ZNF2: variants seen among roughly 807,000 people sequenced by gnomAD.
ZNF2 encodes zinc finger protein 2.2.
A neutral mutation model predicts 21.9 loss-of-function variants in ZNF2; 12 were observed. The ratio of observed to expected loss-of-function variants is 0.55; its 90% confidence interval spans 0.35 to 0.89. The LOEUF (loss-of-function observed/expected upper bound fraction) is 0.89. ZNF2 is among the 40% of genes least tolerant of loss of function. The pLI, the probability that ZNF2 is intolerant of heterozygous loss-of-function variation, is 0.01. For synonymous variants in ZNF2, 186 were observed against 196.3 expected, an observed-to-expected ratio of 0.95 and a Z score of 0.44; for missense variants, 462 against 544.2, an observed-to-expected ratio of 0.85 and a Z score of 1.50.
chr2:95,176,002 A>G (rs1421590417), intron 1 of ZNF2, among the ~76,000 whole-genome samples, 186 bp from the exon 2 acceptor site: 2 of 152,174 alleles, frequency 1.3e-5, no homozygotes, highest in Non-Finnish European at 1.5e-5. Flanking sequence ...TCGCAGTTCC[A>G]TGGTTGTTGG....
chr2:95,177,778 T>C (rs556823969), intron 3 of ZNF2, among the ~76,000 whole-genome samples, 169 bp downstream of exon 3: 1 of 152,264 alleles, frequency 6.6e-6, no homozygotes, highest in South Asian at 2.1e-4. Flanking sequence ...GGCTCAATAC[T>C]GAACCCCAGC....
chr2:95,178,935 G>GA (rs981665832), intron 3 of ZNF2, among the ~76,000 whole-genome samples: 5 of 149,338 alleles, frequency 3.3e-5, no homozygotes, highest in African/African-American at 9.8e-5. Flanking sequence ...TTTATTGTGT[G>GA]AAAAAAAATC....
At position 95,184,145 on chromosome 2, in the gene ZNF2, C is replaced by G. The variant is rs1376428451; in HGVS notation, c.*2039C>G. Reference sequence around the variant, plus strand: ...TACCAAACAGACCCTCCCCAACCTACTAACGACCCTATTACTCTGTTCACC... The same window carrying G: ...TACCAAACAGACCCTCCCCAACCTAGTAACGACCCTATTACTCTGTTCACC... On this transcript the variant is annotated 3_prime_UTR_variant, in exon 5 of 5. Coordinates refer to ENST00000614034, the MANE Select transcript of ZNF2 (RefSeq NM_021088.4). The G allele has an allele frequency of 6.6e-6, 1 of 152,192 alleles. No homozygotes were observed. Among genetic ancestry groups the G allele is most frequent in the Non-Finnish European group, 1.5e-5 (1 of 68,042 alleles). The allele number at this position is 152,192 out of a possible 1,614,324, so 9.4% of individuals were successfully genotyped here. A position where few individuals can be genotyped will look rare whatever the true frequency, so the allele number is the denominator to read the frequency against.
intron 1 of ZNF2, among the ~76,000 whole-genome samples, chr2:95,170,645 G>C (rs1465450732): frequency 3.9e-5 from 6 of 152,206 alleles, no homozygotes; most frequent in Admixed American, 3.9e-4. Context: ...TATTGATCTG[G>C]TCTTTTGACA....
rs1328335028 is a variant in ZNF2, at chr2:95,177,558, G to A, written c.109G>A (p.Asp37Asn). Residue 37 changes from aspartate to asparagine, a missense_variant, in exon 3 of 5, where the codon GAC becomes AAC. Coordinates refer to ENST00000614034, the MANE Select transcript of ZNF2 (RefSeq NM_021088.4). ...GAGTCGTCTGGTCCCCATACAGAGG[G>A]ACCTCTACAAGGAGGTGATGCTGGA... is the stretch of plus-strand genomic sequence containing the variant. ...EWSRLVPIQR[D>N]LYKEVMLENY... is the part of the protein sequence containing the mutation. 2.1e-5 allele frequency: 34 copies of A among 1,614,000 alleles called. No individual in the cohort carries two copies. The highest frequency in any genetic ancestry group is 2.8e-5 in the Non-Finnish European group (33 of 1,180,020).
chr2:95,178,930 T>G (rs1438739636), intron 3 of ZNF2, among the ~76,000 whole-genome samples: 2 of 151,894 alleles, frequency 1.3e-5, no homozygotes, highest in Admixed American at 6.6e-5. Context: ...TTAAATTTAT[T>G]GTGTGAAAAA....
rs114731551 is a variant in ZNF2, at chr2:95,176,667, C to T, written c.33+408C>T. Among the ~76,000 whole-genome samples the T allele has an allele frequency of 2.6e-3, 393 of 152,262 alleles. 1 individual carries two copies. Among genetic ancestry groups the T allele is most frequent in the African/African-American group, 9.2e-3 (382 of 41,548 alleles). ...GCGTGTGATACACACTGTAGAGCAC[C>T]TCTGTGGGGTGCTAAGAGCCCTGAA... is the stretch of plus-strand genomic sequence containing the variant. On this transcript the variant is annotated intron_variant, in intron 2 of 4. Coordinates refer to ENST00000614034, the MANE Select transcript of ZNF2 (RefSeq NM_021088.4).
intron 1 of ZNF2, among the ~76,000 whole-genome samples, chr2:95,173,550 T>G (rs973554227): frequency 6.6e-6 from 1 of 152,234 alleles, no homozygotes; most frequent in Non-Finnish European, 1.5e-5. Flanking sequence ...TACCTCAGAT[T>G]CTTACAAAGC....
chr2:95,180,255 CAG>C lies in ZNF2; in HGVS notation c.262_263del (p.Ser88CysfsTer8), dbSNP rs781331174. Reference sequence around the variant, plus strand: ...CATGGGTCTGAGGAGAGAGAATGGCCAGAGAGTGTCTCTCTAGGTAACTGAGT... The same window carrying C: ...CATGGGTCTGAGGAGAGAGAATGGCCAGAGTGTCTCTCTAGGTAACTGAGT... On this transcript the variant is annotated frameshift_variant, in exon 4 of 5. Transcript: ENST00000614034. LOFTEE classifies it low-confidence loss of function (END_TRUNC). 1 of 1,612,122 alleles carries C rather than the reference CAG, an allele frequency of 6.2e-7. No individual in the cohort carries two copies. Among genetic ancestry groups the C allele is most frequent in the Non-Finnish European group, 8.5e-7 (1 of 1,178,304 alleles).
intron 3 of ZNF2, among the ~76,000 whole-genome samples, chr2:95,179,061 G>A (rs958982119): frequency 6.8e-6 from 1 of 148,018 alleles, no homozygotes; most frequent in African/African-American, 2.5e-5. Flanking sequence ...ATGCAATCTC[G>A]GCTCACTGCA....
chr2:95,170,823 T>TTA (rs1674243863), intron 1 of ZNF2, among the ~76,000 whole-genome samples: 2 of 152,188 alleles, frequency 1.3e-5, no homozygotes, highest in South Asian at 4.1e-4. Context: ...TACTTGATAC[T>TTA]TACGTGTGGC....
In ZNF2 at chr2:95,182,277, G is replaced by A; in HGVS notation, c.*171G>A. Reference sequence around the variant, plus strand: ...TCCCTTCCTGCTGTGTTATAGAACTGTAGGGGAGGCCATGGAAATGACTCT... The same window carrying A: ...TCCCTTCCTGCTGTGTTATAGAACTATAGGGGAGGCCATGGAAATGACTCT... On this transcript the variant is annotated 3_prime_UTR_variant, in exon 5 of 5. Transcript: ENST00000614034. The A allele has an allele frequency of 1.3e-6, 1 of 788,112 alleles. No individual in the cohort carries two copies. The highest frequency in any genetic ancestry group is 2.7e-5 in the East Asian group (1 of 36,364). The allele number at this position is 788,112 out of a possible 1,614,324, so 48.8% of individuals were successfully genotyped here. A position where few individuals can be genotyped will look rare whatever the true frequency, so the allele number is the denominator to read the frequency against.
chr2:95,172,867 CCT>C (rs1491546044), intron 1 of ZNF2, among the ~76,000 whole-genome samples: 6 of 151,818 alleles, frequency 4.0e-5, no homozygotes, highest in Non-Finnish European at 7.4e-5. Flanking sequence ...GAACTCCTAA[CCT>C]CAAGTGATCC....
At position 95,181,967 on chromosome 2, in the gene ZNF2, A is replaced by G. The variant is rs767508454; in HGVS notation, c.1139A>G (p.Gln380Arg). 1.2e-6 allele frequency: 2 copies of G among 1,614,286 alleles called. No homozygotes were observed. The highest frequency in any genetic ancestry group is 2.2e-5 in the East Asian group (1 of 44,886). The change falls in exon 5 of 5, where the codon CAG (glutamine) becomes CGG (arginine). Residue 380 changes from glutamine to arginine, a missense_variant. Physicochemically the swap from Gln to Arg is conservative, Grantham distance 43 (BLOSUM62 1). Coordinates refer to ENST00000614034, the MANE Select transcript of ZNF2 (RefSeq NM_021088.4). ...AGCGAATGCGGGAAAGCCTTTAGCC[A>G]GCGGTGCCGGCTCACGCGGCATCAG... The part of the protein sequence containing the change: ...ECSECGKAFS[Q>R]RCRLTRHQRV...
At chr2:95,170,656 T>C (rs1674238796) in intron 1 of ZNF2, among the ~76,000 whole-genome samples, 1 of 152,238 alleles carries the variant, frequency 6.6e-6, no homozygotes, top group African/African-American at 2.4e-5. Context: ...TCTTTTGACA[T>C]TTTTGAAAAC....
At chr2:95,170,833 C>T (rs1216917888) in intron 1 of ZNF2, among the ~76,000 whole-genome samples, 1 of 152,106 alleles carries the variant, frequency 6.6e-6, no homozygotes, top group Non-Finnish European at 1.5e-5. Context: ...TTACGTGTGG[C>T]CCCAGTACTG....
At chr2:95,179,228 G>GT (rs2104507656) in intron 3 of ZNF2, among the ~76,000 whole-genome samples, 1 of 152,254 alleles carries the variant, frequency 6.6e-6, no homozygotes, top group Non-Finnish European at 1.5e-5. Context: ...CTGACCTCAG[G>GT]TGATCCACCC....
Position 95,181,762 on chromosome 2 carries a change from C to G in ZNF2, c.934C>G (p.Pro312Ala), listed in dbSNP as rs779824720. Residue 312 changes from proline to alanine, a missense_variant, in exon 5 of 5, where the codon CCT becomes GCT. Transcript: ENST00000614034. ...TCAGCTAATCCACACTGGCAGGAAG[C>G]CTTATGAGTGTAACGAGTGCGGGAA... ...RHQLIHTGRK[P>A]YECNECGKAF... 87 of 1,614,070 alleles carry G rather than the reference C, an allele frequency of 5.4e-5. No individual in the cohort carries two copies. The highest frequency in any genetic ancestry group is 2.9e-4 in the South Asian group (26 of 91,090).
At chr2:95,167,531 GAAAT>G (rs1156574767) in intron 1 of ZNF2, among the ~76,000 whole-genome samples, 19 of 145,120 alleles carry the variant, frequency 1.3e-4, no homozygotes, top group African/African-American at 4.3e-4. Flanking sequence ...AAAAAAGAAA[GAAAT>G]AGAGATAATA....
Sources: allele counts gnomAD v4.1 joint callset (sites outside exome capture counted in the v4.1 genomes callset), GRCh38; gene constraint gnomAD v4.1.1; transcripts MANE v1.5; gene names NCBI Gene and HGNC (gene_info 2026-07-23, HGNC 2026-07-21).